Variants in DST observed in about 807,000 individuals in gnomAD.
The protein encoded by DST is dystonin, also known as bullous pemphigoid antigen.
A neutral mutation model predicts 875.2 loss-of-function variants in DST; 253 were observed. The ratio of observed to expected loss-of-function variants is 0.29; its 90% CI spans 0.26 to 0.32. The LOEUF is 0.32. DST is among the 10% of genes least tolerant of loss of function. The probability of loss-of-function intolerance (pLI) is 1.00; values close to 1 mark genes in which losing one functional copy is unlikely to be tolerated. For synonymous variants in DST, 3,124 were observed against 3,197.1 expected, an observed-to-expected ratio of 0.98 and a Z score of 0.77; for missense variants, 8,287 against 9,111.6, an observed-to-expected ratio of 0.91 and a Z score of 3.68.
Position 56,526,464 on chromosome 6 carries a change from A to C in DST, c.18026T>G (p.Leu6009Arg). The C allele has an allele frequency of 1.2e-6, 2 of 1,613,814 alleles. No homozygotes were observed. Residue 6009 changes from leucine (L) to arginine (R), a missense_variant, in exon 69 of 104, where the codon CTT becomes CGT. Leu to Arg is a moderately radical substitution (Grantham distance 102, BLOSUM62 -2). Transcript: ENST00000680361. ...ELVPWRAREG[L>R]EKMVAEDNER... is the part of the protein sequence containing the mutation. ...ATTGTCCTCAGCTACCATTTTCTCA[A>C]GTCCTTCTCTTGCCCTCCATGGTAC...
chr6:56,528,762 T>G (rs2096845333), intron 67 of DST, 79 bp downstream of exon 67: 3 of 1,075,950 alleles, frequency 2.8e-6, no homozygotes, highest in Non-Finnish European at 4.1e-6. Context: ...AGTGTTTTGG[T>G]TTTTTCCCAT....
intron 6 of DST, 125 bp from the exon 7 acceptor site, chr6:56,703,871 CAAAA>C (rs35794687): frequency 4.9e-5 from 6 of 122,472 alleles, no homozygotes; most frequent in Non-Finnish European, 1.0e-4. Flanking sequence ...TAATGTTCAC[CAAAA>C]AAAAAAAAAA....
At chr6:56,496,345 G>A (rs1266871576) in intron 82 of DST, among the ~76,000 whole-genome samples, 3 of 152,050 alleles carry the variant, frequency 2.0e-5, no homozygotes, top group East Asian at 3.9e-4. Flanking sequence ...ACATGATCTA[G>A]GTAGGAACAG....
At chr6:56,642,683 A>G (rs1466063735) in intron 15 of DST, 180 bp from the exon 16 acceptor site, 1 of 1,614,182 alleles carries the variant, frequency 6.2e-7, no homozygotes, top group Admixed American at 1.7e-5. Flanking sequence ...GTTGGACCAC[A>G]ATGAACCAAG....
chr6:56,489,467 G>C (rs376300732), intron 86 of DST, 23 bp downstream of exon 86: 8 of 1,602,668 alleles, frequency 5.0e-6, no homozygotes, highest in Admixed American at 3.4e-5. Context: ...GAGACAATAT[G>C]CTCTTCTTAA....
chr6:56,489,782 T>C (rs1330139673), intron 85 of DST, among the ~76,000 whole-genome samples, 173 bp from the exon 86 acceptor site: 2 of 152,146 alleles, frequency 1.3e-5, no homozygotes, highest in Non-Finnish European at 2.9e-5. Context: ...ACAAAAAAAG[T>C]CTTGATAATG....
chr6:56,899,621 G>A (rs1236913574), intron 3 of DST, among the ~76,000 whole-genome samples: 1 of 152,180 alleles, frequency 6.6e-6, no homozygotes, highest in African/African-American at 2.4e-5. Flanking sequence ...GAGCCATACA[G>A]ACACTTTTTT....
At chr6:56,813,382 A>G (rs553586827) in intron 4 of DST, among the ~76,000 whole-genome samples, 1 of 139,370 alleles carries the variant, frequency 7.2e-6, no homozygotes, top group Admixed American at 6.9e-5. Context: ...CTTAAAGTAT[A>G]ATAATAATAA....
intron 2 of DST, 62 bp downstream of exon 2, chr6:56,953,723 A>T (rs190780716): frequency 2.6e-4 from 305 of 1,193,456 alleles, no homozygotes; most frequent in Non-Finnish European, 3.2e-4. Context: ...GCATATAATT[A>T]ATATTGGTAC....
At chr6:56,633,433 A>G (rs1187257631) in intron 27 of DST, among the ~76,000 whole-genome samples, 1 of 151,310 alleles carries the variant, frequency 6.6e-6, no homozygotes, top group Non-Finnish European at 1.5e-5. Context: ...TCACCGTTTT[A>G]GCCGGGATGG....
At chr6:56,477,123 T>C (rs2152411323) in intron 91 of DST, among the ~76,000 whole-genome samples, 1 of 152,346 alleles carries the variant, frequency 6.6e-6, no homozygotes, top group East Asian at 1.9e-4. Context: ...AATATTTGCC[T>C]TCTAATTTTC....
intron 91 of DST, among the ~76,000 whole-genome samples, chr6:56,476,758 C>G (rs1040443458): frequency 1.3e-5 from 2 of 151,768 alleles, no homozygotes; most frequent in Non-Finnish European, 2.9e-5. Flanking sequence ...TCAAGATCAG[C>G]CTGACCAACC....
chr6:56,608,492 CTACAGT>C lies in DST; in HGVS notation c.6130_6135del (p.Thr2044_Val2045del). 4.3e-6 allele frequency: 7 copies of C among 1,613,666 alleles called. No individual in the cohort carries two copies. The highest frequency in any genetic ancestry group is 5.9e-6 in the Non-Finnish European group (7 of 1,179,770). On this transcript the variant is annotated inframe_deletion, in exon 40 of 104. Transcript: ENST00000680361. The stretch of plus-strand genomic sequence containing the variant: ...ATTAAATCACACTGTACTGCTTCGT[CTACAGT>C]TAAACGCTTGGCAGGGTTTGACTGG...
chr6:56,617,362 T>G (rs1192690963), intron 36 of DST: 2 of 1,614,008 alleles, frequency 1.2e-6, no homozygotes, highest in East Asian at 4.5e-5. Context: ...CTGGGTTCTT[T>G]TCTTGTTTTA....
At chr6:56,889,523 T>C (rs970019533) in intron 3 of DST, among the ~76,000 whole-genome samples, 2 of 152,206 alleles carry the variant, frequency 1.3e-5, no homozygotes, top group African/African-American at 4.8e-5. Flanking sequence ...AGCTGCAGCT[T>C]TGGCAATAAC....
rs187240080 is a variant in DST at position 56,563,817 on chromosome 6, C to T, written c.14006-1617G>A. On this transcript the variant is annotated intron_variant, in intron 55 of 103. Transcript: ENST00000680361. ...GCATATGGCTAGCTAGTTTTCCCAA[C>T]ATCATTTATTAAATAGGGAATCCTT... Among the ~76,000 whole-genome samples the T allele has an allele frequency of 2.8e-4, 43 of 152,302 alleles. No homozygotes were observed. The East Asian group carries it at 8.3e-3, about 29-fold the overall frequency.
intron 4 of DST, among the ~76,000 whole-genome samples, chr6:56,780,036 C>A (rs2099689423): frequency 6.6e-6 from 1 of 151,486 alleles, no homozygotes; most frequent in South Asian, 2.1e-4. Context: ...TCATCCATGT[C>A]CCTACAAAGG....
chr6:56,861,911 C>T, intron 3 of DST: 1 of 152,246 alleles, frequency 6.6e-6, no homozygotes, highest in South Asian at 2.1e-4. Flanking sequence ...GAGTCAGAAC[C>T]TGAGGTGAGT....
chr6:56,844,972 A>T (rs2099805560), intron 4 of DST, among the ~76,000 whole-genome samples: 1 of 152,050 alleles, frequency 6.6e-6, no homozygotes, highest in Non-Finnish European at 1.5e-5. Context: ...GACTCTCTTC[A>T]TCAGTAAAAC....
Sources: gnomAD v4.1 joint callset for allele counts (sites outside exome capture counted in the v4.1 genomes callset) on GRCh38, gnomAD v4.1.1 for gene constraint, MANE v1.5 for transcripts, NCBI Gene and HGNC (gene_info 2026-07-23, HGNC 2026-07-21) for gene names.